Variants in RBFOX1 observed in about 807,000 individuals in gnomAD.
RBFOX1 encodes RNA binding fox-1 homolog 1, also known as RNA binding protein fox-1 homolog 1.
Under a neutral mutation model 57.7 loss-of-function variants are expected in RBFOX1, and 8 were observed. The observed-to-expected ratio is 0.14, with a 90% CI of 0.08 to 0.25. The LOEUF (loss-of-function observed/expected upper bound fraction) is 0.25. Among genes scored for constraint, RBFOX1 ranks in the 10% least tolerant of loss-of-function variants. The pLI, the probability that RBFOX1 is intolerant of heterozygous loss-of-function variation, is 1.00. For missense variants in RBFOX1, 611 were observed against 548.5 expected (o/e 1.11, Z -1.14); for synonymous variants, 326 against 222.4 (o/e 1.47, Z -4.15).
At chr16:7,160,294 A>G (rs1308696847) in intron 4 of RBFOX1, among the ~76,000 whole-genome samples, 1 of 152,070 alleles carries the variant, frequency 6.6e-6, no homozygotes, top group Non-Finnish European at 1.5e-5. Flanking sequence ...GTTTCAGGCA[A>G]GTTGCATTAG....
intron 2 of RBFOX1, among the ~76,000 whole-genome samples, chr16:6,424,583 A>G (rs1043682132): frequency 6.6e-6 from 1 of 151,298 alleles, no homozygotes; most frequent in Non-Finnish European, 1.5e-5. Flanking sequence ...AGGTTGAGAA[A>G]CCCTAGTACA....
intron 4 of RBFOX1, among the ~76,000 whole-genome samples, chr16:7,225,142 T>C (rs1204139885): frequency 6.6e-6 from 1 of 152,138 alleles, no homozygotes; most frequent in Non-Finnish European, 1.5e-5. Context: ...TCATTGTCAT[T>C]ATCTTAAATC....
rs1438054403 is a variant in RBFOX1 at position 6,557,376 on chromosome 16, T to A, written c.-63-97227T>A. On this transcript the variant is annotated intron_variant, in intron 2 of 15. Transcript: ENST00000550418. ...ATAATTGCTAAGAATTATACTCAAA[T>A]CGTATTACATCAAGAAATGGAGATG... 2.6e-5 allele frequency among the ~76,000 whole-genome samples: 4 copies of A among 152,148 alleles called. No individual in the cohort carries two copies. The East Asian group carries it at 5.8e-4, about 22-fold the overall frequency.
intron 1 of RBFOX1, among the ~76,000 whole-genome samples, chr16:5,282,900 G>A (rs929250117): frequency 6.6e-6 from 1 of 152,182 alleles, no homozygotes; most frequent in African/African-American, 2.4e-5. Flanking sequence ...CCCGTCAATG[G>A]GGAAAATGTC....
At chr16:7,405,026 C>A (rs1312543991) in intron 4 of RBFOX1, among the ~76,000 whole-genome samples, 2 of 152,166 alleles carry the variant, frequency 1.3e-5, no homozygotes, top group Non-Finnish European at 2.9e-5. Flanking sequence ...GGTATTATTT[C>A]GGTTACGGTA....
intron 10 of RBFOX1, among the ~76,000 whole-genome samples, chr16:7,618,399 G>T (rs959643497): frequency 2.0e-5 from 3 of 152,114 alleles, no homozygotes; most frequent in Admixed American, 6.5e-5. Flanking sequence ...CAACTGTTCA[G>T]CAACCCTGCA....
chr16:7,221,575 C>A (rs536500967), intron 4 of RBFOX1, among the ~76,000 whole-genome samples: 1 of 152,072 alleles, frequency 6.6e-6, no homozygotes, highest in Non-Finnish European at 1.5e-5. Flanking sequence ...CCATGTTGGC[C>A]AGGGTAGTCT....
At chr16:6,379,501 G>A (rs2091566087) in intron 2 of RBFOX1, among the ~76,000 whole-genome samples, 1 of 151,902 alleles carries the variant, frequency 6.6e-6, no homozygotes, top group African/African-American at 2.4e-5. Context: ...TTCATAGGAG[G>A]GCATAAGAAC....
At chr16:5,500,246 TGTTCC>T (rs2043148940) in intron 2 of RBFOX1, among the ~76,000 whole-genome samples, 1 of 131,710 alleles carries the variant, frequency 7.6e-6, no homozygotes, top group African/African-American at 3.1e-5. Flanking sequence ...CATTCCATTC[TGTTCC>T]ATTCGTTTTT....
intron 2 of RBFOX1, among the ~76,000 whole-genome samples, chr16:5,468,571 A>T (rs1278823895): frequency 6.6e-6 from 1 of 152,260 alleles, no homozygotes; most frequent in African/African-American, 2.4e-5. Flanking sequence ...CAAATTGCTG[A>T]GAACAGGTAC....
intron 12 of RBFOX1, among the ~76,000 whole-genome samples, chr16:7,659,887 C>G (rs548187784): frequency 2.6e-5 from 4 of 152,186 alleles, no homozygotes; most frequent in African/African-American, 7.2e-5. Flanking sequence ...CTTTAATAAT[C>G]TGATTAAAAA....
At chr16:6,325,864 A>T (rs973131993) in intron 2 of RBFOX1, among the ~76,000 whole-genome samples, 3 of 152,168 alleles carry the variant, frequency 2.0e-5, no homozygotes, top group Non-Finnish European at 2.9e-5. Context: ...TCAGGTGGTT[A>T]TTTGCAGATC....
chr16:5,322,488 A>T (rs1179547386), intron 1 of RBFOX1, among the ~76,000 whole-genome samples: 1 of 152,166 alleles, frequency 6.6e-6, no homozygotes, highest in Admixed American at 6.5e-5. Context: ...CCAGTTTCTC[A>T]TGATGGCATC....
intron 1 of RBFOX1, among the ~76,000 whole-genome samples, chr16:6,073,995 G>C (rs2095866201): frequency 6.6e-6 from 1 of 152,034 alleles, no homozygotes; most frequent in Non-Finnish European, 1.5e-5. Flanking sequence ...GTCGCCCAGA[G>C]TGGAGTGCAG....
chr16:6,983,132 C>T (rs141561635), intron 3 of RBFOX1, among the ~76,000 whole-genome samples: 9 of 151,842 alleles, frequency 5.9e-5, no homozygotes, highest in African/African-American at 1.5e-4. Flanking sequence ...AAACTCTTAG[C>T]TGTTCCATTG....
intron 1 of RBFOX1, among the ~76,000 whole-genome samples, chr16:6,064,982 C>T (rs1413354861): frequency 6.6e-6 from 1 of 151,784 alleles, no homozygotes; most frequent in East Asian, 1.9e-4. Flanking sequence ...AAAAAAACCT[C>T]CCTACGTGAC....
chr16:7,154,405 G>A (rs2076685275), intron 4 of RBFOX1, among the ~76,000 whole-genome samples: 1 of 152,156 alleles, frequency 6.6e-6, no homozygotes, highest in African/African-American at 2.4e-5. Context: ...AATGTGGGAG[G>A]AAGTTTGAAA....
rs542605893 is a variant in RBFOX1 at position 5,337,299 on chromosome 16, T to A, written c.219+97194T>A. Among the ~76,000 whole-genome samples the A allele has an allele frequency of 6.6e-5, 10 of 152,308 alleles. No homozygotes were observed. The East Asian group carries it at 1.9e-3, about 29-fold the overall frequency. Reference sequence around the variant, plus strand: ...TAAGGCATTTTTGATTTTGTAAAAGTGTACAGGTGAGTTTTCCCAAAGACC... The same window carrying A: ...TAAGGCATTTTTGATTTTGTAAAAGAGTACAGGTGAGTTTTCCCAAAGACC... On this transcript the variant is annotated intron_variant, in intron 1 of 2. Coordinates refer to the RBFOX1 transcript ENST00000585867.
At chr16:5,653,602 C>G (rs1412608665) in intron 3 of RBFOX1, among the ~76,000 whole-genome samples, 2 of 152,132 alleles carry the variant, frequency 1.3e-5, no homozygotes, top group East Asian at 3.8e-4. Context: ...CCTCCTTTGC[C>G]TCTCCCTCCG....
Sources: gnomAD v4.1 joint callset for allele counts (sites outside exome capture counted in the v4.1 genomes callset) on GRCh38, gnomAD v4.1.1 for gene constraint, MANE v1.5 for transcripts, NCBI Gene and HGNC (gene_info 2026-07-23, HGNC 2026-07-21) for gene names.